The following PDGFRA variants were observed in gnomAD, a reference collection of about 807,000 sequenced individuals.
PDGFRA encodes platelet-derived growth factor receptor alpha.
PDGFRA carries 25 observed loss-of-function variants against 121.5 expected under a neutral mutation model. The observed-to-expected ratio is 0.21, with a 90% CI of 0.15 to 0.29. The LOEUF is 0.29. Ranked by LOEUF, PDGFRA falls within the 10% of genes least tolerant of loss-of-function variation. PDGFRA has a pLI of 1.00. For synonymous variants in PDGFRA, 463 were observed against 494.8 expected, an observed-to-expected ratio of 0.94 and a Z score of 0.85; for missense variants, 1,008 against 1,345.1, an observed-to-expected ratio of 0.75 and a Z score of 3.92.
rs1577746216 is a variant in PDGFRA, at chr4:54,288,908, T to C, written c.2774+10T>C. Reference sequence around the variant, plus strand: ...ACGCTACCAGTGAAGTGTGAGCTCCTTCCCCATCCCGGGGGCCTGTGTTCA... The same window carrying C: ...ACGCTACCAGTGAAGTGTGAGCTCCCTCCCCATCCCGGGGGCCTGTGTTCA... On this transcript the variant is annotated intron_variant, in intron 20 of 22. Coordinates refer to ENST00000257290, the MANE Select transcript of PDGFRA (RefSeq NM_006206.6). The C allele has an allele frequency of 1.9e-6, 3 of 1,587,280 alleles. No individual in the cohort carries two copies. The highest frequency in any genetic ancestry group is 8.7e-7 in the Non-Finnish European group (1 of 1,155,522).
At chr4:54,285,276 A>G in intron 16 of PDGFRA, 95 bp from the exon 17 acceptor site, 1 of 748,380 alleles carries the variant, frequency 1.3e-6, no homozygotes, top group Non-Finnish European at 2.5e-6. Flanking sequence ...AAAAATTAAG[A>G]AAATATTTTT....
chr4:54,262,089 G>A (rs1175174941), intron 3 of PDGFRA, among the ~76,000 whole-genome samples: 3 of 151,536 alleles, frequency 2.0e-5, no homozygotes, highest in African/African-American at 7.3e-5. Flanking sequence ...GCACCACCAC[G>A]CCCAGCTAAT....
rs151136840 is a variant in PDGFRA at position 54,237,574 on chromosome 4, A to G, written c.-13+8159A>G. Among the ~76,000 whole-genome samples the G allele has an allele frequency of 9.5e-3, 1,441 of 152,304 alleles. 6 individuals are homozygous for G. The highest frequency in any genetic ancestry group is 0.016 in the Non-Finnish European group (1,117 of 68,028). On this transcript the variant is annotated intron_variant, in intron 1 of 22. Transcript: ENST00000257290. ...TGGGAGGCTGATATTTATATGTACA[A>G]ACACACAAGCATTACTGCTAATTGT...
chr4:54,273,218 TTAA>T (rs1363645082), intron 9 of PDGFRA, among the ~76,000 whole-genome samples: 2 of 152,196 alleles, frequency 1.3e-5, no homozygotes, highest in Non-Finnish European at 2.9e-5. Flanking sequence ...ATTGAGATCA[TTAA>T]ATATGGTTGA....
chr4:54,251,065 CAAA>C lies in PDGFRA; in HGVS notation c.-12-7673_-12-7671del, dbSNP rs566538469. ...GGGCAACAAGAGGGAAACTCCGTCT[CAAA>C]AAAAAAAAAAAAAAAAAATTGAAAA... On this transcript the variant is annotated intron_variant, in intron 1 of 22. Coordinates refer to ENST00000257290, the MANE Select transcript of PDGFRA (RefSeq NM_006206.6). Among the ~76,000 whole-genome samples, 8 of 51,836 alleles carry C rather than the reference CAAA, an allele frequency of 1.5e-4. No homozygotes were observed. In the South Asian group the frequency reaches 2.6e-3, roughly 17 times the overall value. The allele number at this position is 51,836 out of a possible 152,430, so 34.0% of individuals were successfully genotyped here.
intron 8 of PDGFRA, among the ~76,000 whole-genome samples, chr4:54,271,416 A>G (rs1723347484): frequency 6.6e-6 from 1 of 152,226 alleles, no homozygotes; most frequent in Non-Finnish European, 1.5e-5. Flanking sequence ...CATACCACAG[A>G]TGCATTTTGG....
chr4:54,287,480 C>G lies in PDGFRA; in HGVS notation c.2613C>G (p.Leu871=), dbSNP rs774190208. The G allele has an allele frequency of 1.3e-6, 2 of 1,580,620 alleles. No homozygotes were observed. The highest frequency in any genetic ancestry group is 1.1e-5 in the South Asian group (1 of 90,344). ...CTCCTGAGAGCATCTTTGACAACCT[C>G]TACACCACACTGAGTGATGTCTGGT... ...WMAPESIFDN[L]YTTLSDVWSY... The change falls in exon 19 of 23, where the codon CTC becomes CTG. Residue 871 remains leucine (L), a synonymous_variant. Transcript: ENST00000257290.
At chr4:54,229,938 A>G (rs968088872) in intron 1 of PDGFRA, 3 of 13,214 alleles carry the variant, frequency 2.3e-4, no homozygotes, top group Non-Finnish European at 1.5e-4. Flanking sequence ...GACCAGGGGG[A>G]GGTGGGGAGA....
chr4:54,234,296 C>T (rs1435637948), intron 1 of PDGFRA, among the ~76,000 whole-genome samples: 2 of 152,196 alleles, frequency 1.3e-5, no homozygotes, highest in Non-Finnish European at 2.9e-5. Flanking sequence ...ACTGAGGTCA[C>T]CACGAAAGCT....
At chr4:54,254,110 T>A (rs1416859123) in intron 1 of PDGFRA, among the ~76,000 whole-genome samples, 1 of 152,066 alleles carries the variant, frequency 6.6e-6, no homozygotes, top group Non-Finnish European at 1.5e-5. Flanking sequence ...GCATTTAGAG[T>A]AGAAAAAGTG....
intron 1 of PDGFRA, among the ~76,000 whole-genome samples, chr4:54,234,168 A>G (rs1366295277): frequency 1.3e-5 from 2 of 152,114 alleles, no homozygotes; most frequent in African/African-American, 2.4e-5. Context: ...GCTCCCGGTG[A>G]TGGGGATGAT....
chr4:54,252,729 T>G (rs1722128747), intron 1 of PDGFRA, among the ~76,000 whole-genome samples: 1 of 152,134 alleles, frequency 6.6e-6, no homozygotes, highest in Admixed American at 6.6e-5. Context: ...TCTTTAATCA[T>G]GTGAGGGTGG....
intron 1 of PDGFRA, among the ~76,000 whole-genome samples, chr4:54,242,558 C>CAT (rs1201392015): frequency 5.3e-5 from 8 of 152,036 alleles, no homozygotes; most frequent in African/African-American, 1.9e-4. Flanking sequence ...TATATACACA[C>CAT]ACATATATAT....
intron 4 of PDGFRA, 74 bp from the exon 5 acceptor site, chr4:54,264,845 A>AC (rs981130081): frequency 3.0e-5 from 43 of 1,444,226 alleles, no homozygotes; most frequent in African/African-American, 1.1e-4. Context: ...AAAAAAAAAA[A>AC]AAAAAACCCA....
intron 1 of PDGFRA, among the ~76,000 whole-genome samples, chr4:54,248,701 G>C (rs1488194516): frequency 6.6e-6 from 1 of 152,164 alleles, no homozygotes; most frequent in African/African-American, 2.4e-5. Flanking sequence ...GGCAACAAAA[G>C]CCAAAATTGA....
chr4:54,278,139 C>A, intron 14 of PDGFRA, 133 bp downstream of exon 14: 1 of 736,188 alleles, frequency 1.4e-6, no homozygotes. Context: ...ATGGAGCTGA[C>A]TGGTCCCTTG....
chr4:54,272,574 A>G, intron 9 of PDGFRA, 54 bp downstream of exon 9: 1 of 1,587,182 alleles, frequency 6.3e-7, no homozygotes, highest in Non-Finnish European at 8.6e-7. Flanking sequence ...TTCTCCCTTG[A>G]CACAAATGAT....
At chr4:54,273,755 A>G (rs1723548468) in intron 10 of PDGFRA, 25 bp downstream of exon 10, 1 of 1,598,136 alleles carries the variant, frequency 6.3e-7, no homozygotes, top group Non-Finnish European at 8.6e-7. Flanking sequence ...AGTCAGGACA[A>G]CTCATCAGCT....
intron 1 of PDGFRA, among the ~76,000 whole-genome samples, chr4:54,233,083 G>C (rs1212553055): frequency 6.6e-6 from 1 of 151,110 alleles, no homozygotes; most frequent in African/African-American, 2.4e-5. Context: ...CACCCGCCCG[G>C]CCCCCTCTCG....
Sources: gnomAD v4.1 joint callset for allele counts (sites outside exome capture counted in the v4.1 genomes callset) on GRCh38, gnomAD v4.1.1 for gene constraint, MANE v1.5 for transcripts, NCBI Gene and HGNC (gene_info 2026-07-23, HGNC 2026-07-21) for gene names.